DNAH14: variants seen among roughly 807,000 people sequenced by gnomAD.
DNAH14 encodes axonemal beta dynein heavy chain 14.
In DNAH14, 478 loss-of-function variants were observed where a neutral mutation model predicts 520.9. The observed-to-expected ratio is 0.92, with a 90% CI of 0.85 to 0.99. The LOEUF (loss-of-function observed/expected upper bound fraction) is 0.99, where lower values mean the gene tolerates loss of function less well. Among genes scored for constraint, DNAH14 ranks in the 50% least tolerant of loss-of-function variants. The probability of loss-of-function intolerance (pLI) is 0.00; values close to 1 mark genes in which losing one functional copy is unlikely to be tolerated. For synonymous variants in DNAH14, 1,581 were observed against 1,757.2 expected (o/e 0.90, Z 2.51); for missense variants, 4,831 against 5,234.5 (o/e 0.92, Z 2.38).
intron 73 of DNAH14, among the ~76,000 whole-genome samples, chr1:225,355,133 A>C (rs923356965): frequency 3.9e-5 from 6 of 152,174 alleles, no homozygotes; most frequent in Admixed American, 3.9e-4. Context: ...ACGGAAATGT[A>C]CTGCTCACCA....
At chr1:225,000,497 C>T (rs1291057157) in intron 8 of DNAH14, among the ~76,000 whole-genome samples, 1 of 150,468 alleles carries the variant, frequency 6.6e-6, no homozygotes, top group African/African-American at 2.4e-5. Flanking sequence ...TCTTTAACCT[C>T]TCCTTCTGGG....
intron 23 of DNAH14, among the ~76,000 whole-genome samples, chr1:225,104,833 C>A (rs1473784164): frequency 6.6e-6 from 1 of 152,074 alleles, no homozygotes; most frequent in African/African-American, 2.4e-5. Flanking sequence ...TTTCAAAAAA[C>A]CAGCTCCTAG....
chr1:224,940,519 T>C (rs2059344963), intron 1 of DNAH14, among the ~76,000 whole-genome samples: 1 of 152,158 alleles, frequency 6.6e-6, no homozygotes. Flanking sequence ...CCTAATTTTA[T>C]TTTATTTTAT....
chr1:225,008,517 C>T (rs987198980), intron 10 of DNAH14, among the ~76,000 whole-genome samples: 29 of 151,166 alleles, frequency 1.9e-4, no homozygotes, highest in Admixed American at 8.6e-4. Context: ...AACTAATTTA[C>T]ACCCCAACAA....
intron 1 of DNAH14, among the ~76,000 whole-genome samples, chr1:224,943,945 G>A (rs1011105712): frequency 6.6e-6 from 1 of 152,172 alleles, no homozygotes; most frequent in African/African-American, 2.4e-5. Flanking sequence ...TAAGTGCGGT[G>A]TGGTGCTGAG....
Position 225,232,511 on chromosome 1 carries a change from G to A in DNAH14, c.6518+1360G>A, listed in dbSNP as rs887743705. Among the ~76,000 whole-genome samples, 2 of 151,932 alleles carry A rather than the reference G, an allele frequency of 1.3e-5. No homozygotes were observed. Among genetic ancestry groups the A allele is most frequent in the Non-Finnish European group, 2.9e-5 (2 of 67,984 alleles). ...TCAAAGTGGAAGAAAAAAAATCTTG[G>A]TACAGCCTAAAAATGTCCTGCCTAC... On this transcript the variant is annotated intron_variant, in intron 42 of 85. Transcript: ENST00000682510. This position sits in a 1 kb window ranked among gnomAD's most constrained non-coding sequence, Gnocchi z 4.2.
At chr1:225,354,549 A>C (rs991354392) in intron 73 of DNAH14, among the ~76,000 whole-genome samples, 1 of 152,168 alleles carries the variant, frequency 6.6e-6, no homozygotes, top group African/African-American at 2.4e-5. Flanking sequence ...TAGTCTTGGA[A>C]GGTAGGCACA....
At chr1:225,360,930 T>C (rs1304433967) in intron 75 of DNAH14, 39 bp downstream of exon 75, 7 of 1,519,850 alleles carry the variant, frequency 4.6e-6, no homozygotes, top group African/African-American at 4.2e-5. Flanking sequence ...ATCAGATTGG[T>C]TACCAAAACT....
intron 1 of DNAH14, among the ~76,000 whole-genome samples, chr1:224,943,850 G>T (rs985293795): frequency 5.3e-5 from 8 of 152,166 alleles, no homozygotes; most frequent in African/African-American, 1.9e-4. Flanking sequence ...TTGCACTGTG[G>T]TCTGAGAGGT....
At chr1:225,302,489 C>T (rs1452640552) in intron 56 of DNAH14, among the ~76,000 whole-genome samples, 2 of 152,156 alleles carry the variant, frequency 1.3e-5, no homozygotes, top group Non-Finnish European at 2.9e-5. Context: ...AAAGGGAACA[C>T]TAAGTCACTG....
Position 225,252,400 on chromosome 1 carries a change from A to C in DNAH14, c.6848A>C (p.Gln2283Pro). 1 of 1,518,960 alleles carries C rather than the reference A, an allele frequency of 6.6e-7. No homozygotes were observed. Among genetic ancestry groups the C allele is most frequent in the East Asian group, 2.5e-5 (1 of 40,580 alleles). 94.1% of individuals were successfully genotyped at this position (1,518,960 alleles called of 1,614,324 possible). The stretch of plus-strand genomic sequence containing the variant: ...TGGTCAGATTTAGTTCCTAATGATC[A>C]GACACTAATTCAAAGAGGTAAGAAT... ...IPWSDLVPND[Q>P]TLIQRGTSLL... Residue 2283 changes from glutamine (Q) to proline (P), a missense_variant, in exon 44 of 86, where the codon CAG becomes CCG. Gln to Pro is a moderately conservative substitution (Grantham distance 76). Transcript: ENST00000682510.
chr1:225,229,132 G>A (rs917912328), intron 41 of DNAH14, among the ~76,000 whole-genome samples: 1 of 152,160 alleles, frequency 6.6e-6, no homozygotes, highest in African/African-American at 2.4e-5. Flanking sequence ...GCTTATCAGG[G>A]CTGCACTCTC....
intron 43 of DNAH14, among the ~76,000 whole-genome samples, chr1:225,251,568 A>C (rs2092553009): frequency 6.6e-6 from 1 of 152,194 alleles, no homozygotes; most frequent in Non-Finnish European, 1.5e-5. Context: ...AGCATAATCC[A>C]TAAGAGAAAA....
In DNAH14 at chr1:225,388,444, T is replaced by A; in HGVS notation, c.13143T>A (p.Asn4381Lys). Residue 4381 changes from asparagine to lysine, a missense_variant, in exon 82 of 86, where the codon AAT becomes AAA. Physicochemically the swap from Asn to Lys is moderately conservative, Grantham distance 94. Coordinates refer to ENST00000682510, the MANE Select transcript of DNAH14 (RefSeq NM_001367479.1). The part of the protein sequence containing the change: ...SWIDDLIQRL[N>K]FFNTWAKVAY... ...TTGATGATCTCATCCAGCGACTGAATTTCTTCAATACTTGGGCCAAAGTGG... is the reference window on the plus strand; with the variant it reads ...TTGATGATCTCATCCAGCGACTGAAATTCTTCAATACTTGGGCCAAAGTGG... The A allele has an allele frequency of 6.5e-7, 1 of 1,535,172 alleles. No homozygotes were observed.
At chr1:225,182,072 GC>G (rs2084092987) in intron 36 of DNAH14, among the ~76,000 whole-genome samples, 1 of 152,082 alleles carries the variant, frequency 6.6e-6, no homozygotes, top group Admixed American at 6.6e-5. Context: ...GATGGCATGC[GC>G]CTGTAATCCC....
chr1:225,046,476 T>C (rs1572678980), intron 15 of DNAH14, among the ~76,000 whole-genome samples: 2 of 152,300 alleles, frequency 1.3e-5, no homozygotes, highest in Admixed American at 6.5e-5. Context: ...TTATCTGGCG[T>C]ATGTTGTGAA....
At chr1:225,087,297 C>T (rs1035878479) in intron 21 of DNAH14, among the ~76,000 whole-genome samples, 4 of 152,156 alleles carry the variant, frequency 2.6e-5, no homozygotes, top group Non-Finnish European at 5.9e-5. Context: ...GGGCTGAATT[C>T]CCACAATAAC....
In DNAH14 at chr1:225,398,611, C is replaced by T. The variant is rs1436354668; in HGVS notation, c.13583C>T (p.Ser4528Leu). The change falls in exon 85 of 86, where the codon TCG (serine) becomes TTG (leucine). Residue 4528 changes from serine to leucine, a missense_variant. Physicochemically the swap from Ser to Leu is moderately radical, Grantham distance 145. Transcript: ENST00000682510. The part of the protein sequence containing the change: ...WNREQKILED[S>L]LPLEMCCDFP... ...CGTGAACAGAAAATACTGGAAGACT[C>T]GCTGCCTCTGGAGATGTGCTGTGAT... 3.2e-6 allele frequency: 5 copies of T among 1,551,732 alleles called. No individual in the cohort carries two copies. The highest frequency in any genetic ancestry group is 3.9e-5 in the Admixed American group (2 of 51,010).
chr1:225,261,948 T>C (rs890286992), intron 46 of DNAH14, among the ~76,000 whole-genome samples: 1 of 152,154 alleles, frequency 6.6e-6, no homozygotes, highest in Non-Finnish European at 1.5e-5. Context: ...CAATCTTGTC[T>C]AAATGAGAAA....
Sources: gnomAD v4.1 joint callset for allele counts (sites outside exome capture counted in the v4.1 genomes callset) on GRCh38, gnomAD v4.1.1 for gene constraint, Gnocchi (gnomAD v3.1) non-coding constraint, MANE v1.5 for transcripts, NCBI Gene and HGNC (gene_info 2026-07-23, HGNC 2026-07-21) for gene names.